KDM2B: variants seen among roughly 807,000 people sequenced by gnomAD.
KDM2B encodes lysine-specific demethylase 2B.
Under a neutral mutation model 150.0 loss-of-function variants are expected in KDM2B, and 26 were observed. That is an observed-to-expected ratio of 0.17 (90% CI 0.13 to 0.24). The LOEUF is 0.24. Ranked by LOEUF, KDM2B falls within the 10% of genes least tolerant of loss-of-function variation. The pLI, the probability that KDM2B is intolerant of heterozygous loss-of-function variation, is 1.00. For missense variants in KDM2B, 1,265 were observed against 1,816.9 expected (o/e 0.70, Z 5.52); for synonymous variants, 734 against 729.5 (o/e 1.01, Z -0.10).
chr12:121,437,685 C>T (rs1386068636), intron 22 of KDM2B, among the ~76,000 whole-genome samples: 1 of 152,140 alleles, frequency 6.6e-6, no homozygotes, highest in Non-Finnish European at 1.5e-5. Context: ...GTAAATTTTC[C>T]ACGATGGAAT....
intron 11 of KDM2B, among the ~76,000 whole-genome samples, chr12:121,505,061 G>T (rs1884932801): frequency 6.7e-6 from 1 of 149,384 alleles, no homozygotes; most frequent in Non-Finnish European, 1.5e-5. Flanking sequence ...AGCTTGCAGT[G>T]AGCCGAGATC....
At chr12:121,417,791 T>G in the KDM2B span, 1 of 1,614,220 alleles carries the variant, frequency 6.2e-7, no homozygotes, top group Non-Finnish European at 8.5e-7. The surrounding 1 kb of genome is among the most constrained non-coding windows in gnomAD (Gnocchi z 5.0). Context: ...GGTCCCAGAC[T>G]TCTAGCTTTT....
At chr12:121,486,966 C>A (rs917571966) in intron 12 of KDM2B, among the ~76,000 whole-genome samples, 1 of 151,876 alleles carries the variant, frequency 6.6e-6, no homozygotes, top group Non-Finnish European at 1.5e-5. Context: ...TAGTGAGACC[C>A]CCCCGATACA....
Position 121,521,162 on chromosome 12 carries a change from A to C in KDM2B, c.932-62T>G. On this transcript the variant is annotated intron_variant, in intron 8 of 22. Coordinates refer to ENST00000377071, the MANE Select transcript of KDM2B (RefSeq NM_032590.5). The surrounding 1 kb of genome is among the most constrained non-coding windows in gnomAD (Gnocchi z 4.9). ...GCCCCTGTGGGCTCCCACACCTCAC[A>C]AGGCTGCAGGGAGGGAGAGCGAGCG... is the stretch of plus-strand genomic sequence containing the variant. 2 of 1,156,946 alleles carry C rather than the reference A, an allele frequency of 1.7e-6. No individual in the cohort carries two copies. Among genetic ancestry groups the C allele is most frequent in the Non-Finnish European group, 2.6e-6 (2 of 771,516 alleles). The allele number at this position is 1,156,946 out of a possible 1,614,324, so 71.7% of individuals were successfully genotyped here.
intron 8 of KDM2B, among the ~76,000 whole-genome samples, chr12:121,525,111 C>T (rs1887016216): frequency 6.6e-6 from 1 of 152,168 alleles, no homozygotes; most frequent in African/African-American, 2.4e-5. Context: ...CATCAGTGAA[C>T]TCCCTGCGCC....
intron 6 of KDM2B, among the ~76,000 whole-genome samples, chr12:121,542,461 T>A (rs1462648752): frequency 6.6e-6 from 1 of 152,202 alleles, no homozygotes; most frequent in East Asian, 1.9e-4. Context: ...TAACACAAGC[T>A]TATAAGAGAC....
chr12:121,514,418 G>C (rs1555304545), intron 9 of KDM2B, among the ~76,000 whole-genome samples: 1 of 151,928 alleles, frequency 6.6e-6, no homozygotes, highest in African/African-American at 2.4e-5. Context: ...AGATTCCACG[G>C]GGGGCAGTTC....
Position 121,509,938 on chromosome 12 carries a change from CCTT to C in KDM2B, c.1273_1275del (p.Lys425del), listed in dbSNP as rs782641527. On this transcript the variant is annotated inframe_deletion, in exon 11 of 23. Transcript: ENST00000377071. ...CTGTCCCTGCCCTCGCCCTCCTCGT[CCTT>C]CTCCTCCTCCTCCTGAGGCTGCTGA... The C allele has an allele frequency of 8.1e-6, 13 of 1,612,462 alleles. No individual in the cohort carries two copies. Among genetic ancestry groups the C allele is most frequent in the Non-Finnish European group, 1.1e-5 (13 of 1,179,510 alleles).
intron 4 of KDM2B, among the ~76,000 whole-genome samples, chr12:121,564,389 C>T (rs1457077198): frequency 6.6e-6 from 1 of 151,948 alleles, no homozygotes; most frequent in Admixed American, 6.6e-5. Flanking sequence ...ACCCGGGAGG[C>T]GGAGCTTGCA....
intron 11 of KDM2B, among the ~76,000 whole-genome samples, chr12:121,498,441 C>T (rs1188678737): frequency 6.6e-6 from 1 of 152,294 alleles, no homozygotes; most frequent in East Asian, 1.9e-4. Context: ...AAAAGCCCAC[C>T]AGATCTTTAA....
At chr12:121,510,155 A>C in intron 10 of KDM2B, 116 bp from the exon 11 acceptor site, 8 of 891,120 alleles carry the variant, frequency 9.0e-6, no homozygotes, top group Non-Finnish European at 1.2e-5. Flanking sequence ...TTCTCTAACA[A>C]TCCTAATGGT....
At chr12:121,517,117 A>G (rs1886283604) in intron 9 of KDM2B, among the ~76,000 whole-genome samples, 1 of 152,184 alleles carries the variant, frequency 6.6e-6, no homozygotes, top group South Asian at 2.1e-4. Flanking sequence ...ATTCCCTATC[A>G]ACCTAACTGA....
intron 8 of KDM2B, among the ~76,000 whole-genome samples, chr12:121,523,217 A>G (rs1555306204): frequency 6.6e-6 from 1 of 152,248 alleles, no homozygotes; most frequent in African/African-American, 2.4e-5. Context: ...CGCTGCATCA[A>G]AGGTTCTGCA....
Position 121,501,292 on chromosome 12 carries a change from T to A in KDM2B, c.1648-6627A>T, listed in dbSNP as rs530255472. On this transcript the variant is annotated intron_variant, in intron 11 of 22. Transcript: ENST00000377071. ...TACTTGGGAGGCTGAGGCACGAGAATTGCTTGAACCCGGGAGGCGGATGTT... is the reference window on the plus strand; with the variant it reads ...TACTTGGGAGGCTGAGGCACGAGAAATGCTTGAACCCGGGAGGCGGATGTT... Among the ~76,000 whole-genome samples, 39 of 152,200 alleles carry A rather than the reference T, an allele frequency of 2.6e-4. No homozygotes were observed. The South Asian group carries it at 3.7e-3, about 15-fold the overall frequency.
chr12:121,532,660 TCC>T, intron 8 of KDM2B, 144 bp downstream of exon 8: 1 of 780,578 alleles, frequency 1.3e-6, no homozygotes, highest in Non-Finnish European at 2.1e-6. Flanking sequence ...GCACGGCTTT[TCC>T]CTCCAGCCCA....
At position 121,567,468 on chromosome 12, in the gene KDM2B, C is replaced by T. The variant is rs530591467; in HGVS notation, c.397+7079G>A. 1.7e-4 allele frequency among the ~76,000 whole-genome samples: 26 copies of T among 152,168 alleles called. No homozygotes were observed. In the South Asian group the frequency reaches 5.2e-3, roughly 30 times the overall value. ...TCACGCATGCAATTGCAGCACTTCG[C>T]GATGGCGAGGCGGGAGGATCACTTG... On this transcript the variant is annotated intron_variant, in intron 4 of 22. Coordinates refer to ENST00000377071, the MANE Select transcript of KDM2B (RefSeq NM_032590.5).
In KDM2B at chr12:121,430,682, C is replaced by T; in HGVS notation, c.3830-213G>A. ...GCCAGGTATAAAGGTTAATATATGC[C>T]TCAAAAGCATTCAGATAACCACGTG... On this transcript the variant is annotated intron_variant, in intron 22 of 22. Coordinates refer to ENST00000377071, the MANE Select transcript of KDM2B (RefSeq NM_032590.5). This position sits in a 1 kb window ranked among gnomAD's most constrained non-coding sequence, Gnocchi z 4.4. 2 of 574,876 alleles carry T rather than the reference C, an allele frequency of 3.5e-6. No individual in the cohort carries two copies. The highest frequency in any genetic ancestry group is 6.2e-6 in the Non-Finnish European group (2 of 323,506). 35.6% of individuals were successfully genotyped at this position (574,876 alleles called of 1,614,324 possible). A position where few individuals can be genotyped will look rare whatever the true frequency, so the allele number is the denominator to read the frequency against.
At chr12:121,519,483 G>A (rs545046779) in intron 9 of KDM2B, among the ~76,000 whole-genome samples, 31 of 152,334 alleles carry the variant, frequency 2.0e-4, no homozygotes, top group African/African-American at 7.2e-4. Context: ...ATGCTACAAT[G>A]TGGATGAACC....
At chr12:121,417,373 C>T in the KDM2B span, 1 of 719,486 alleles carries the variant, frequency 1.4e-6, no homozygotes, top group African/African-American at 1.8e-5. This position sits in a 1 kb window ranked among gnomAD's most constrained non-coding sequence, Gnocchi z 5.0. Context: ...GAAAATACCT[C>T]TGGAAATAGT....
Sources: gnomAD v4.1 joint callset for allele counts (sites outside exome capture counted in the v4.1 genomes callset) on GRCh38, gnomAD v4.1.1 for gene constraint, Gnocchi (gnomAD v3.1) non-coding constraint, MANE v1.5 for transcripts, NCBI Gene and HGNC (gene_info 2026-07-23, HGNC 2026-07-21) for gene names.